The following BACH2 variants were observed in gnomAD, a reference collection of about 807,000 sequenced individuals.
BACH2 encodes the protein transcription regulator protein BACH2.
Under a neutral mutation model 61.8 loss-of-function variants are expected in BACH2, and 5 were observed. The ratio of observed to expected loss-of-function variants is 0.08; its 90% CI spans 0.04 to 0.17. BACH2 has a LOEUF of 0.17. Among genes scored for constraint, BACH2 ranks in the 10% least tolerant of loss-of-function variants. The probability of loss-of-function intolerance (pLI) is 1.00; values close to 1 mark genes in which losing one functional copy is unlikely to be tolerated. For synonymous variants in BACH2, 446 were observed against 440.1 expected (o/e 1.01, Z -0.17); for missense variants, 824 against 1,091.1 (o/e 0.76, Z 3.45).
intron 1 of BACH2, among the ~76,000 whole-genome samples, chr6:90,281,701 ATT>A (rs1294759979): frequency 6.6e-6 from 1 of 152,048 alleles, no homozygotes; most frequent in African/African-American, 2.4e-5. Context: ...TTCTTTCCAT[ATT>A]GTTTGTAAGA....
At chr6:90,220,737 C>T (rs1174934484) in intron 3 of BACH2, among the ~76,000 whole-genome samples, 1 of 152,056 alleles carries the variant, frequency 6.6e-6, no homozygotes, top group African/African-American at 2.4e-5. Flanking sequence ...GGTCTCAAAA[C>T]CATAATACAA....
At chr6:90,187,284 T>C (rs2127843345) in intron 4 of BACH2, among the ~76,000 whole-genome samples, 1 of 152,312 alleles carries the variant, frequency 6.6e-6, no homozygotes, top group East Asian at 1.9e-4. Context: ...GAAGTATCTG[T>C]CAAAGTAAAA....
rs558654023 is a variant in BACH2, at chr6:90,029,293, T to C, written c.-12-20437A>G. Among the ~76,000 whole-genome samples, 5 of 152,274 alleles carry C rather than the reference T, an allele frequency of 3.3e-5. No homozygotes were observed. The South Asian group carries it at 1.0e-3, about 32-fold the overall frequency. On this transcript the variant is annotated intron_variant, in intron 5 of 8. Transcript: ENST00000257749. ...CAAGAACGAGGGGACTTGGGCAATT[T>C]ATTTAAGTCCTTAGAGTCTCCTTAT...
intron 2 of BACH2, among the ~76,000 whole-genome samples, chr6:90,271,366 T>TAAAAAAAAAAAAAA (rs3073450): frequency 2.9e-5 from 3 of 103,858 alleles, no homozygotes; most frequent in East Asian, 2.7e-4. Context: ...CAACCCCATT[T>TAAAAAAAAAAAAAA]AAAAAAAAAA....
intron 3 of BACH2, among the ~76,000 whole-genome samples, chr6:90,229,065 A>G (rs747729925): frequency 1.3e-5 from 2 of 152,216 alleles, no homozygotes; most frequent in Non-Finnish European, 2.9e-5. Flanking sequence ...ACATCTGTGA[A>G]CTCACAGACC....
At chr6:90,287,672 G>C (rs1307753281) in intron 1 of BACH2, among the ~76,000 whole-genome samples, 1 of 152,078 alleles carries the variant, frequency 6.6e-6, no homozygotes, top group East Asian at 1.9e-4. Context: ...CTCTGCCTAG[G>C]GTTGTGTTTA....
Position 90,085,230 on chromosome 6 carries a change from T to A in BACH2, c.-13+3731A>T, listed in dbSNP as rs1297023855. Among the ~76,000 whole-genome samples, 3 of 152,268 alleles carry A rather than the reference T, an allele frequency of 2.0e-5. No homozygotes were observed. The East Asian group carries it at 5.8e-4, about 29-fold the overall frequency. ...TGTAAAACAGGCATCATAATAATCA[T>A]AGGCCCTACAGCGGGAGAACTATCT... On this transcript the variant is annotated intron_variant, in intron 5 of 8. Coordinates refer to ENST00000257749, the MANE Select transcript of BACH2 (RefSeq NM_021813.4).
intron 7 of BACH2, among the ~76,000 whole-genome samples, chr6:89,945,812 A>G (rs760676306): frequency 1.4e-4 from 22 of 152,226 alleles, no homozygotes; most frequent in Non-Finnish European, 2.8e-4. Context: ...CTCCTCTCCA[A>G]CGGTGCTCCC....
chr6:89,948,504 G>T (rs538525744), intron 7 of BACH2, among the ~76,000 whole-genome samples: 1 of 152,112 alleles, frequency 6.6e-6, no homozygotes, highest in Non-Finnish European at 1.5e-5. Flanking sequence ...CACCATGCCC[G>T]GCCCCAGGCT....
At chr6:89,960,584 C>T (rs1158772717) in intron 6 of BACH2, among the ~76,000 whole-genome samples, 4 of 152,186 alleles carry the variant, frequency 2.6e-5, no homozygotes, top group Non-Finnish European at 5.9e-5. Context: ...TCTATTTTTC[C>T]AGTGTCTGCA....
At chr6:90,284,429 A>G (rs1482276326) in intron 1 of BACH2, among the ~76,000 whole-genome samples, 1 of 152,190 alleles carries the variant, frequency 6.6e-6, no homozygotes, top group Non-Finnish European at 1.5e-5. Flanking sequence ...TCACAGGGTT[A>G]TGGGGCTACT....
chr6:90,083,590 A>G (rs999762438), intron 5 of BACH2, among the ~76,000 whole-genome samples: 2 of 152,224 alleles, frequency 1.3e-5, no homozygotes, highest in Non-Finnish European at 2.9e-5. Flanking sequence ...AGCTAAATAC[A>G]TAGGTTCATA....
chr6:90,232,067 G>A (rs1210644637), intron 3 of BACH2, among the ~76,000 whole-genome samples: 1 of 152,162 alleles, frequency 6.6e-6, no homozygotes, highest in Admixed American at 6.5e-5. Context: ...AGAGTGCCTT[G>A]CAAGGTTTTC....
At chr6:90,142,799 TAAAGTTTC>T (rs1784504732) in intron 4 of BACH2, among the ~76,000 whole-genome samples, 3 of 152,288 alleles carry the variant, frequency 2.0e-5, no homozygotes, top group South Asian at 4.1e-4. Context: ...TTCTATTTTC[TAAAGTTTC>T]AATGAGTAAG....
chr6:90,211,427 A>G (rs1282558299), intron 3 of BACH2, among the ~76,000 whole-genome samples: 6 of 152,092 alleles, frequency 3.9e-5, no homozygotes, highest in Admixed American at 2.0e-4. Flanking sequence ...CACCAGGCGT[A>G]CCTGATTCAC....
intron 4 of BACH2, among the ~76,000 whole-genome samples, chr6:90,109,304 T>A (rs1235561740): frequency 6.6e-6 from 1 of 152,152 alleles, no homozygotes; most frequent in African/African-American, 2.4e-5. Flanking sequence ...ACTTCCTCCA[T>A]GAAACCACTT....
At position 90,253,201 on chromosome 6, in the gene BACH2, G is replaced by A. The variant is rs990778684; in HGVS notation, c.-352-611C>T. On this transcript the variant is annotated intron_variant, in intron 2 of 8. Coordinates refer to ENST00000257749, the MANE Select transcript of BACH2 (RefSeq NM_021813.4). ...GAAGGGTGCAGTGAGCCAAGATTGC[G>A]CCATTGTACTCCAACCTGGATGACA... Among the ~76,000 whole-genome samples the A allele has an allele frequency of 3.9e-5, 6 of 152,008 alleles. No individual in the cohort carries two copies. The East Asian group carries it at 9.7e-4, about 24-fold the overall frequency.
chr6:89,960,273 T>A (rs1221612534), intron 6 of BACH2, among the ~76,000 whole-genome samples: 1 of 152,174 alleles, frequency 6.6e-6, no homozygotes, highest in Middle Eastern at 3.2e-3. Context: ...ACAATCCAAT[T>A]TACAGACAAG....
chr6:90,262,792 G>A (rs1400212474), intron 2 of BACH2, among the ~76,000 whole-genome samples: 1 of 152,130 alleles, frequency 6.6e-6, no homozygotes, highest in Non-Finnish European at 1.5e-5. Context: ...GATAGCTCAA[G>A]AGCTATTATC....
Sources: allele counts gnomAD v4.1 joint callset (sites outside exome capture counted in the v4.1 genomes callset), GRCh38; gene constraint gnomAD v4.1.1; transcripts MANE v1.5; gene names NCBI Gene and HGNC (gene_info 2026-07-23, HGNC 2026-07-21).